Variants in NAV3 observed in about 807,000 individuals in gnomAD.
NAV3 encodes the protein pore membrane and/or filament interacting like protein 1.
NAV3 carries 87 observed loss-of-function variants against 244.7 expected under a neutral mutation model. The observed-to-expected ratio is 0.36, with a 90% CI of 0.30 to 0.42. The LOEUF (loss-of-function observed/expected upper bound fraction) is 0.42. Ranked by LOEUF, NAV3 falls within the 20% of genes least tolerant of loss-of-function variation. NAV3 has a pLI of 1.00. For synonymous variants in NAV3, 1,126 were observed against 1,042.2 expected, an observed-to-expected ratio of 1.08 and a Z score of -1.55; for missense variants, 2,663 against 2,893.3, an observed-to-expected ratio of 0.92 and a Z score of 1.83.
At chr12:77,992,589 T>C (rs1871636596) in intron 5 of NAV3, among the ~76,000 whole-genome samples, 1 of 152,220 alleles carries the variant, frequency 6.6e-6, no homozygotes. Context: ...AAGTCTTTCA[T>C]TCAGTTGGTG....
At chr12:78,071,397 GTTGT>G (rs1433450615) in intron 12 of NAV3, among the ~76,000 whole-genome samples, 10 of 151,866 alleles carry the variant, frequency 6.6e-5, no homozygotes, top group African/African-American at 2.2e-4. Flanking sequence ...TTTTGATGGG[GTTGT>G]TTGTTTTTTT....
At chr12:78,205,946 C>A (rs184080284) in intron 39 of NAV3, among the ~76,000 whole-genome samples, 3 of 151,970 alleles carry the variant, frequency 2.0e-5, no homozygotes, top group Admixed American at 6.6e-5. Context: ...AAAATCATAA[C>A]CTATGGCTAT....
chr12:77,973,856 TAA>T (rs528732591), intron 5 of NAV3, among the ~76,000 whole-genome samples: 3 of 150,712 alleles, frequency 2.0e-5, no homozygotes, highest in African/African-American at 7.3e-5. Flanking sequence ...GTGTGCCCTT[TAA>T]AAAAAAAGTC....
At chr12:78,038,768 A>C (rs1880351514) in intron 9 of NAV3, among the ~76,000 whole-genome samples, 1 of 152,204 alleles carries the variant, frequency 6.6e-6, no homozygotes, top group Admixed American at 6.5e-5. Context: ...AAACTGTAGA[A>C]TCAGATAATA....
intron 1 of NAV3, among the ~76,000 whole-genome samples, chr12:77,918,385 C>A (rs1188834526): frequency 6.6e-6 from 1 of 151,932 alleles, no homozygotes; most frequent in African/African-American, 2.4e-5. Context: ...TTAGAGGGAC[C>A]TTTTTAGGTC....
intron 26 of NAV3, 115 bp downstream of exon 26, chr12:78,176,574 A>G (rs980705784): frequency 4.3e-6 from 4 of 933,024 alleles, no homozygotes; most frequent in South Asian, 1.6e-5. Context: ...ATTACCTTGT[A>G]TGTCTTTTCT....
intron 2 of NAV3, among the ~76,000 whole-genome samples, chr12:77,702,369 G>T (rs191047455): frequency 1.3e-5 from 2 of 151,880 alleles, no homozygotes; most frequent in African/African-American, 2.4e-5. Flanking sequence ...TCTCGCAGAG[G>T]ATATAGTTGG....
Position 77,873,734 on chromosome 12 carries a change from A to ATGTG in NAV3, c.243+42038_243+42041dup, listed in dbSNP as rs374693432. On this transcript the variant is annotated intron_variant, in intron 1 of 39. Coordinates refer to ENST00000397909, the MANE Select transcript of NAV3 (RefSeq NM_001024383.2). ...ACATGATTTGCTTATCTAAATACAT[A>ATGTG]TGTGTGTGTGTATATATATATATAT... 3.6e-3 allele frequency among the ~76,000 whole-genome samples: 308 copies of ATGTG among 85,196 alleles called. 6 individuals carry two copies. The highest frequency in any genetic ancestry group is 5.3e-3 in the African/African-American group (149 of 28,278). 55.9% of individuals were successfully genotyped at this position (85,196 alleles called of 152,430 possible).
intron 23 of NAV3, among the ~76,000 whole-genome samples, chr12:78,167,135 T>C (rs1957812451): frequency 6.6e-6 from 1 of 151,796 alleles, no homozygotes; most frequent in Non-Finnish European, 1.5e-5. Flanking sequence ...TAAGTTTCGG[T>C]AAAATCTGTT....
chr12:78,077,256 C>G (rs1953097704), intron 12 of NAV3, among the ~76,000 whole-genome samples: 1 of 151,904 alleles, frequency 6.6e-6, no homozygotes, highest in Non-Finnish European at 1.5e-5. Context: ...TAAAGTTAAC[C>G]CAAATTTCAA....
In NAV3 at chr12:77,812,404, C is replaced by CT. The variant is rs921867230; in HGVS notation, c.73-127904dup. ...AAAAACTGAGGAATTTCATTTCTTT[C>CT]TTTTTTTTTTTAACTTTTATTTTTT... is the stretch of plus-strand genomic sequence containing the variant. On this transcript the variant is annotated intron_variant, in intron 2 of 8. Transcript: ENST00000550042. Among the ~76,000 whole-genome samples the CT allele has an allele frequency of 8.1e-3, 1,188 of 146,898 alleles. 11 individuals carry two copies. Among genetic ancestry groups the CT allele is most frequent in the African/African-American group, 0.028 (1,109 of 40,246 alleles).
At chr12:78,199,289 A>G (rs778178691) in intron 36 of NAV3, 46 bp from the exon 37 acceptor site, 7 of 1,342,748 alleles carry the variant, frequency 5.2e-6, no homozygotes, top group Non-Finnish European at 7.2e-6. Flanking sequence ...CTGTGAATGT[A>G]AAATTTAATT....
intron 2 of NAV3, among the ~76,000 whole-genome samples, chr12:77,699,378 T>C (rs1353123666): frequency 2.0e-5 from 3 of 152,160 alleles, no homozygotes; most frequent in South Asian, 2.1e-4. Context: ...AATATTCTAA[T>C]ATCAATTGCT....
intron 2 of NAV3, among the ~76,000 whole-genome samples, chr12:77,697,291 G>A (rs1875349712): frequency 6.6e-6 from 1 of 152,050 alleles, no homozygotes; most frequent in Admixed American, 6.6e-5. Context: ...CTATCCTCAG[G>A]CTTGTAGTGG....
chr12:77,828,853 G>C (rs569171817), upstream of NAV3, among the ~76,000 whole-genome samples: 2 of 152,002 alleles, frequency 1.3e-5, no homozygotes, highest in African/African-American at 2.4e-5. Flanking sequence ...CAGGAATTAC[G>C]ATACATTCTC....
In NAV3 at chr12:77,966,111, A is replaced by G. The variant is rs557695241; in HGVS notation, c.415-118A>G. Reference sequence around the variant, plus strand: ...TAGTTAAACTCTGGTTAAGACTTCTAGTATGAAATGAATGTAAACTATTCA... The same window carrying G: ...TAGTTAAACTCTGGTTAAGACTTCTGGTATGAAATGAATGTAAACTATTCA... On this transcript the variant is annotated intron_variant, in intron 3 of 39. Transcript: ENST00000397909. The G allele has an allele frequency of 2.4e-5, 21 of 857,944 alleles. No homozygotes were observed. The East Asian group carries it at 4.7e-4, about 19-fold the overall frequency. The allele number at this position is 857,944 out of a possible 1,614,324, so 53.1% of individuals were successfully genotyped here. A position where few individuals can be genotyped will look rare whatever the true frequency, so the allele number is the denominator to read the frequency against.
chr12:78,128,557 C>T, intron 17 of NAV3, 149 bp from the exon 18 acceptor site: 1 of 741,652 alleles, frequency 1.3e-6, no homozygotes, highest in Non-Finnish European at 2.0e-6. Context: ...GGCGTAAGAT[C>T]ATCTGGAAGA....
intron 9 of NAV3, among the ~76,000 whole-genome samples, chr12:78,038,663 C>G (rs1880330155): frequency 1.3e-5 from 2 of 152,156 alleles, no homozygotes; most frequent in African/African-American, 4.8e-5. Context: ...TGTGTGATTT[C>G]TGTGATGAAC....
intron 1 of NAV3, among the ~76,000 whole-genome samples, chr12:77,869,915 A>G (rs796229868): frequency 6.3e-4 from 96 of 152,332 alleles, no homozygotes; most frequent in African/African-American, 2.2e-3. Flanking sequence ...TGCATGACGC[A>G]TATGTTCAAT....
Sources: allele counts gnomAD v4.1 joint callset (sites outside exome capture counted in the v4.1 genomes callset), GRCh38; gene constraint gnomAD v4.1.1; transcripts MANE v1.5; gene names NCBI Gene and HGNC (gene_info 2026-07-23, HGNC 2026-07-21).